Variants in DLC1 observed in about 807,000 individuals in gnomAD.
DLC1 encodes DLC1 Rho GTPase activating protein, also known as rho GTPase-activating protein 7.
DLC1 carries 54 observed loss-of-function variants against 140.3 expected under a neutral mutation model. The observed-to-expected ratio is 0.38, with a 90% confidence interval of 0.31 to 0.48. The LOEUF is 0.48. Among genes scored for constraint, DLC1 ranks in the 20% least tolerant of loss-of-function variants. The pLI, the probability that DLC1 is intolerant of heterozygous loss-of-function variation, is 0.96. For missense variants in DLC1, 2,536 were observed against 1,907.0 expected, an observed-to-expected ratio of 1.33 and a Z score of -6.14; for synonymous variants, 986 against 728.1, an observed-to-expected ratio of 1.35 and a Z score of -5.70.
intron 1 of DLC1, among the ~76,000 whole-genome samples, chr8:13,536,770 C>A (rs1272190319): frequency 1.3e-5 from 2 of 152,128 alleles, no homozygotes; most frequent in Non-Finnish European, 1.5e-5. Context: ...TATTGCGTAT[C>A]CACATGACAT....
chr8:13,204,319 A>G (rs758555358), intron 5 of DLC1, among the ~76,000 whole-genome samples: 25 of 152,166 alleles, frequency 1.6e-4, no homozygotes, highest in Non-Finnish European at 3.2e-4. Flanking sequence ...TGAAAAGAGC[A>G]GCTGTCTTTA....
intron 1 of DLC1, among the ~76,000 whole-genome samples, chr8:13,544,197 A>AAC (rs3988455): frequency 0.011 from 1,595 of 144,836 alleles, 10 homozygotes; most frequent in African/African-American, 0.022. Flanking sequence ...CACACACACA[A>AAC]ACACACACAC....
At chr8:13,339,039 G>A (rs1620964) in intron 4 of DLC1, among the ~76,000 whole-genome samples, 122,392 of 152,196 alleles carry the variant, frequency 0.8, 50,301 homozygotes, top group East Asian at 0.96. Flanking sequence ...TGGTAATAAG[G>A]AAAGGTAATT....
intron 4 of DLC1, among the ~76,000 whole-genome samples, chr8:13,331,387 G>A (rs184154084): frequency 4.7e-4 from 72 of 152,144 alleles, no homozygotes; most frequent in Middle Eastern, 3.4e-3. Flanking sequence ...GTTCTAAGCT[G>A]AATAGTATTT....
At chr8:13,445,961 A>G (rs1334824690) in intron 2 of DLC1, among the ~76,000 whole-genome samples, 4 of 152,176 alleles carry the variant, frequency 2.6e-5, no homozygotes, top group Non-Finnish European at 5.9e-5. Context: ...AGAAAGGGGC[A>G]AGGGAATGGT....
chr8:13,598,584 C>T (rs1036166225), intron 1 of DLC1, among the ~76,000 whole-genome samples: 5 of 152,030 alleles, frequency 3.3e-5, no homozygotes, highest in Non-Finnish European at 7.4e-5. Context: ...AAAAGAGTTA[C>T]CATCCTTTGA....
chr8:13,270,400 C>T (rs1269720302), intron 5 of DLC1, among the ~76,000 whole-genome samples: 1 of 152,196 alleles, frequency 6.6e-6, no homozygotes, highest in Non-Finnish European at 1.5e-5. Flanking sequence ...TGACATTTAG[C>T]ATATTTTTTC....
At chr8:13,549,310 A>G (rs1299286175) in intron 1 of DLC1, among the ~76,000 whole-genome samples, 1 of 152,114 alleles carries the variant, frequency 6.6e-6, no homozygotes, top group African/African-American at 2.4e-5. Flanking sequence ...AAGAAACTTA[A>G]TACTTTAAAA....
intron 5 of DLC1, among the ~76,000 whole-genome samples, chr8:13,144,376 G>A (rs965397863): frequency 1.3e-5 from 2 of 152,172 alleles, no homozygotes; most frequent in African/African-American, 4.8e-5. Context: ...GACTTGAACT[G>A]AGCCGTGCTA....
At chr8:13,143,232 C>A (rs575201571) in intron 5 of DLC1, among the ~76,000 whole-genome samples, 1 of 152,152 alleles carries the variant, frequency 6.6e-6, no homozygotes, top group East Asian at 1.9e-4. Flanking sequence ...TATACTAAAC[C>A]ATCAATTAAA....
chr8:13,135,585 C>G (rs1048526876), intron 5 of DLC1, among the ~76,000 whole-genome samples: 1 of 152,064 alleles, frequency 6.6e-6, no homozygotes, highest in African/African-American at 2.4e-5. Context: ...TAAGAGTGCA[C>G]CTTCGAAACA....
chr8:13,448,366 C>CTTG (rs1277714762), intron 2 of DLC1, among the ~76,000 whole-genome samples: 2 of 135,658 alleles, frequency 1.5e-5, no homozygotes, highest in Admixed American at 1.4e-4. Context: ...TCTTCTTCTT[C>CTTG]TTCTTTTTTT....
intron 5 of DLC1, among the ~76,000 whole-genome samples, chr8:13,168,609 A>G (rs1192636334): frequency 2.6e-5 from 4 of 152,234 alleles, no homozygotes; most frequent in African/African-American, 9.6e-5. Context: ...AAGACACAGT[A>G]TCTTTTGTCT....
At chr8:13,393,054 A>C (rs1246104971) in intron 4 of DLC1, among the ~76,000 whole-genome samples, 1 of 152,128 alleles carries the variant, frequency 6.6e-6, no homozygotes, top group Admixed American at 6.6e-5. Context: ...AAATATATTT[A>C]TATAATTATT....
At chr8:13,437,564 A>G (rs1345943209) in intron 2 of DLC1, among the ~76,000 whole-genome samples, 1 of 152,192 alleles carries the variant, frequency 6.6e-6, no homozygotes, top group Non-Finnish European at 1.5e-5. Context: ...GTCAGCACAC[A>G]TGACCTCATT....
chr8:13,488,846 G>A (rs11991486), intron 2 of DLC1, among the ~76,000 whole-genome samples: 109,173 of 152,150 alleles, frequency 0.72, 41,358 homozygotes, highest in Middle Eastern at 0.88. Flanking sequence ...GCACATATAT[G>A]CTTATTCATA....
At chr8:13,273,508 C>T (rs769879952) in intron 5 of DLC1, among the ~76,000 whole-genome samples, 1 of 152,142 alleles carries the variant, frequency 6.6e-6, no homozygotes, top group Non-Finnish European at 1.5e-5. Flanking sequence ...TCTGATCTGT[C>T]CTTCCTCACA....
At chr8:13,567,505 C>A in intron 1 of DLC1, 1 of 1,552,054 alleles carries the variant, frequency 6.4e-7, no homozygotes, top group South Asian at 1.2e-5. Context: ...ACCCGATGAA[C>A]TTTTGAACAG....
At chr8:13,555,880 A>G (rs1240021605) in intron 1 of DLC1, among the ~76,000 whole-genome samples, 1 of 152,050 alleles carries the variant, frequency 6.6e-6, no homozygotes, top group African/African-American at 2.4e-5. Flanking sequence ...TGGTGCATAC[A>G]TAGGGTTTCA....
Sources: gnomAD v4.1 joint callset for allele counts (sites outside exome capture counted in the v4.1 genomes callset) on GRCh38, gnomAD v4.1.1 for gene constraint, MANE v1.5 for transcripts, NCBI Gene and HGNC (gene_info 2026-07-23, HGNC 2026-07-21) for gene names.